The following CADPS variants were observed in gnomAD, a reference collection of about 807,000 sequenced individuals.
CADPS encodes the protein calcium-dependent secretion activator 1.
Under a neutral mutation model 167.3 loss-of-function variants are expected in CADPS, and 57 were observed. The observed-to-expected ratio is 0.34, with a 90% CI of 0.28 to 0.42. The LOEUF (loss-of-function observed/expected upper bound fraction) is 0.42. Ranked by LOEUF, CADPS falls within the 20% of genes least tolerant of loss-of-function variation. The pLI is 1.00. For missense variants in CADPS, 1,414 were observed against 1,738.1 expected (o/e 0.81, Z 3.32); for synonymous variants, 676 against 635.3 (o/e 1.06, Z -0.96).
intron 1 of CADPS, among the ~76,000 whole-genome samples, chr3:62,829,672 ACT>A (rs2152981072): frequency 6.6e-6 from 1 of 151,874 alleles, no homozygotes; most frequent in African/African-American, 2.4e-5. Flanking sequence ...TTTACTAGAC[ACT>A]CTCTGGGTTC....
chr3:62,488,469 ATTATTTATTTAT>A (rs760932725), intron 21 of CADPS, among the ~76,000 whole-genome samples: 58 of 150,500 alleles, frequency 3.9e-4, no homozygotes, highest in Non-Finnish European at 7.1e-4. Flanking sequence ...CACTGTTTTT[ATTATTTATTTAT>A]TTATTTATTT....
intron 6 of CADPS, among the ~76,000 whole-genome samples, chr3:62,629,840 C>T (rs1040210802): frequency 3.3e-5 from 5 of 151,144 alleles, no homozygotes; most frequent in Non-Finnish European, 5.9e-5. Flanking sequence ...TTTAAACTTG[C>T]TTTTTTTCTT....
chr3:62,824,166 CAAA>C (rs3047274), intron 1 of CADPS, among the ~76,000 whole-genome samples: 167 of 126,638 alleles, frequency 1.3e-3, no homozygotes, highest in East Asian at 6.4e-3. Context: ...GCTATAACTT[CAAA>C]AAAAAAAAAA....
At chr3:62,800,659 G>A (rs563771585) in intron 1 of CADPS, among the ~76,000 whole-genome samples, 19 of 152,168 alleles carry the variant, frequency 1.2e-4, no homozygotes, top group African/African-American at 3.9e-4. Context: ...GGTTTTGAAG[G>A]CACAGAATTC....
intron 1 of CADPS, among the ~76,000 whole-genome samples, chr3:62,866,559 C>T (rs1335869473): frequency 6.6e-6 from 1 of 151,856 alleles, no homozygotes; most frequent in Admixed American, 6.6e-5. Flanking sequence ...TAGCCCACTA[C>T]AAAGCTTTGA....
At chr3:62,564,062 C>T (rs2079660464) in intron 9 of CADPS, among the ~76,000 whole-genome samples, 1 of 152,034 alleles carries the variant, frequency 6.6e-6, no homozygotes, top group Admixed American at 6.6e-5. Flanking sequence ...AGTGCAGTGG[C>T]ATGATCTCGG....
At chr3:62,717,849 A>C (rs1460278732) in intron 3 of CADPS, among the ~76,000 whole-genome samples, 1 of 152,072 alleles carries the variant, frequency 6.6e-6, no homozygotes, top group Non-Finnish European at 1.5e-5. Context: ...ACCCCATTAG[A>C]TCCTACTCAC....
At chr3:62,530,768 TC>T (rs1309847500) in intron 13 of CADPS, 2 of 1,288,314 alleles carry the variant, frequency 1.6e-6, no homozygotes, top group Admixed American at 2.3e-5. Flanking sequence ...CCCTTCAGGG[TC>T]TGTATTTGGT....
chr3:62,748,676 C>T (rs1230822790), intron 3 of CADPS, among the ~76,000 whole-genome samples: 6 of 152,128 alleles, frequency 3.9e-5, no homozygotes, highest in Admixed American at 6.6e-5. Flanking sequence ...AGCCTCATTT[C>T]TCAGATAATA....
intron 3 of CADPS, among the ~76,000 whole-genome samples, chr3:62,722,955 T>C (rs1354662778): frequency 6.6e-6 from 1 of 152,100 alleles, no homozygotes; most frequent in African/African-American, 2.4e-5. Context: ...CACACATGTC[T>C]GGGAGAGGAA....
At chr3:62,758,892 C>G (rs1321817352) in intron 2 of CADPS, among the ~76,000 whole-genome samples, 2 of 152,178 alleles carry the variant, frequency 1.3e-5, no homozygotes, top group Admixed American at 6.5e-5. Context: ...AGTGACTGTT[C>G]ACATTACAGA....
At chr3:62,569,286 G>A (rs1235263838) in intron 9 of CADPS, among the ~76,000 whole-genome samples, 1 of 152,122 alleles carries the variant, frequency 6.6e-6, no homozygotes, top group Non-Finnish European at 1.5e-5. Flanking sequence ...ACTATTAGTA[G>A]AGACAGGGTT....
chr3:62,597,347 TA>T (rs1451196815), intron 6 of CADPS, among the ~76,000 whole-genome samples: 1 of 152,062 alleles, frequency 6.6e-6, no homozygotes, highest in Non-Finnish European at 1.5e-5. Flanking sequence ...ACCTTGTCTC[TA>T]AAAGAAAATA....
intron 13 of CADPS, among the ~76,000 whole-genome samples, chr3:62,532,323 G>T (rs1011811518): frequency 2.6e-5 from 4 of 152,160 alleles, no homozygotes; most frequent in African/African-American, 9.7e-5. Flanking sequence ...CAATCTGAAT[G>T]TAACTCTGCC....
At chr3:62,598,097 C>T (rs1017465016) in intron 6 of CADPS, among the ~76,000 whole-genome samples, 5 of 152,176 alleles carry the variant, frequency 3.3e-5, no homozygotes, top group South Asian at 4.1e-4. Context: ...CACAGTCCAT[C>T]GTTCCATGGG....
At chr3:62,698,363 T>A (rs894558087) in intron 3 of CADPS, among the ~76,000 whole-genome samples, 1 of 152,118 alleles carries the variant, frequency 6.6e-6, no homozygotes, top group Non-Finnish European at 1.5e-5. Context: ...CACTGTTTCA[T>A]GTGTGACACA....
At position 62,442,118 on chromosome 3, in the gene CADPS, A is replaced by T. The variant is rs192052518; in HGVS notation, c.3669+3647T>A. On this transcript the variant is annotated intron_variant, in intron 27 of 29. Coordinates refer to ENST00000383710, the MANE Select transcript of CADPS (RefSeq NM_003716.4). ...AATAAAAAACAAAAACAAACCAGAA[A>T]TTTTTTTTTTTTTTGCCAAGTATTG... Among the ~76,000 whole-genome samples, 1,185 of 143,498 alleles carry T rather than the reference A, an allele frequency of 8.3e-3. 12 individuals are homozygous for T. The highest frequency in any genetic ancestry group is 0.028 in the African/African-American group (1,110 of 39,226). 94.1% of individuals were successfully genotyped at this position (143,498 alleles called of 152,430 possible).
intron 3 of CADPS, among the ~76,000 whole-genome samples, chr3:62,714,191 A>G (rs982522894): frequency 6.6e-6 from 1 of 152,354 alleles, no homozygotes; most frequent in Non-Finnish European, 1.5e-5. Flanking sequence ...AAGCAAGCAG[A>G]CAAGCAAGCA....
intron 1 of CADPS, among the ~76,000 whole-genome samples, chr3:62,785,996 T>A (rs1208764045): frequency 2.6e-5 from 4 of 151,162 alleles, no homozygotes; most frequent in African/African-American, 9.7e-5. Flanking sequence ...GCGGATCATT[T>A]GAGGCCAGGA....
Sources: gnomAD v4.1 joint callset for allele counts (sites outside exome capture counted in the v4.1 genomes callset) on GRCh38, gnomAD v4.1.1 for gene constraint, MANE v1.5 for transcripts, NCBI Gene and HGNC (gene_info 2026-07-23, HGNC 2026-07-21) for gene names.